ZNF398: variants seen among roughly 807,000 people sequenced by gnomAD.
The protein encoded by ZNF398 is zinc finger DNA binding protein ZER6.
In ZNF398, 18 loss-of-function variants were observed where a neutral mutation model predicts 41.9. That is an observed-to-expected ratio of 0.43 (90% confidence interval 0.30 to 0.64). The LOEUF is 0.64. ZNF398 is among the 30% of genes least tolerant of loss of function. The pLI, the probability that ZNF398 is intolerant of heterozygous loss-of-function variation, is 0.14. For synonymous variants in ZNF398, 260 were observed against 308.8 expected, an observed-to-expected ratio of 0.84 and a Z score of 1.66; for missense variants, 669 against 822.8, an observed-to-expected ratio of 0.81 and a Z score of 2.29.
chr7:149,171,726 G>A (rs746097071), intron 4 of ZNF398, among the ~76,000 whole-genome samples: 24 of 152,008 alleles, frequency 1.6e-4, no homozygotes, highest in Admixed American at 3.3e-4. Context: ...AGGCTGGAGT[G>A]CAGTGGTGTG....
chr7:149,176,944 T>C lies in ZNF398; in HGVS notation c.775+363T>C, dbSNP rs114469676. ...CAAGCCCTGGAGACAGAAATGGCCA[T>C]GGAGAGGTGTAAATGGGAATGTTAA... On this transcript the variant is annotated intron_variant, in intron 5 of 5. Coordinates refer to ENST00000475153, the MANE Select transcript of ZNF398 (RefSeq NM_170686.3). Among the ~76,000 whole-genome samples the C allele has an allele frequency of 6.7e-3, 1,010 of 151,382 alleles. 7 individuals carry two copies. Among genetic ancestry groups the C allele is most frequent in the African/African-American group, 9.4e-3 (387 of 41,250 alleles).
chr7:149,154,108 G>A lies in ZNF398; in HGVS notation c.188G>A (p.Arg63Gln). The change falls in exon 2 of 6, where the codon CGA becomes CAA. Residue 63 changes from arginine (R) to glutamine (Q), a missense_variant. Physicochemically the swap from Arg to Gln is conservative, Grantham distance 43 (BLOSUM62 1). Transcript: ENST00000475153. Reference protein sequence around the residue: ...IERKVEIHSRRLLHLEGRTGT... With the variant: ...IERKVEIHSRQLLHLEGRTGT... Reference sequence around the variant, plus strand: ...AGGAAGGTGGAGATCCACAGCCGGCGACTCCTACACCTGGAAGGTCGGACA... The same window carrying A: ...AGGAAGGTGGAGATCCACAGCCGGCAACTCCTACACCTGGAAGGTCGGACA... 5 of 1,614,016 alleles carry A rather than the reference G, an allele frequency of 3.1e-6. No homozygotes were observed. The highest frequency in any genetic ancestry group is 2.2e-5 in the East Asian group (1 of 44,886).
chr7:149,159,369 TG>T (rs1433608773), intron 2 of ZNF398, among the ~76,000 whole-genome samples: 2 of 150,900 alleles, frequency 1.3e-5, no homozygotes, highest in African/African-American at 4.9e-5. Context: ...CTTTTTCGGC[TG>T]GGCGCGGTGG....
chr7:149,147,677 C>G lies in ZNF398; in HGVS notation c.-66C>G. 1 of 1,270,012 alleles carries G rather than the reference C, an allele frequency of 7.9e-7. No homozygotes were observed. Among genetic ancestry groups the G allele is most frequent in the Non-Finnish European group, 9.9e-7 (1 of 1,010,472 alleles). 78.7% of individuals were successfully genotyped at this position (1,270,012 alleles called of 1,614,324 possible). ...ACCCGGCGGCCGGGCCTGCTTGGAG[C>G]CGGGCGCGGTGGCAGCGGCGGCAGC... is the stretch of plus-strand genomic sequence containing the variant. On this transcript the variant is annotated 5_prime_UTR_variant, in exon 1 of 6. Transcript: ENST00000475153. This position sits in a 1 kb window ranked among gnomAD's most constrained non-coding sequence, Gnocchi z 5.6.
intron 2 of ZNF398, among the ~76,000 whole-genome samples, chr7:149,132,194 CTTT>C (rs35611997): frequency 8.8e-5 from 10 of 113,352 alleles, no homozygotes; most frequent in Admixed American, 3.0e-4. Flanking sequence ...TTCTCTCTCT[CTTT>C]TTTTTTTTTT....
At chr7:149,162,339 G>A (rs892116591) in intron 2 of ZNF398, among the ~76,000 whole-genome samples, 1 of 152,032 alleles carries the variant, frequency 6.6e-6, no homozygotes, top group East Asian at 1.9e-4. Context: ...CTGCCACCAC[G>A]CCTGGCTAAT....
intron 2 of ZNF398, among the ~76,000 whole-genome samples, chr7:149,155,020 C>G (rs184023681): frequency 5.8e-4 from 86 of 147,780 alleles, no homozygotes; most frequent in African/African-American, 2.0e-3. Flanking sequence ...GGCGAGATGA[C>G]TCACACCTGT....
chr7:149,129,358 A>G (rs1243528362), intron 2 of ZNF398, among the ~76,000 whole-genome samples: 2 of 152,006 alleles, frequency 1.3e-5, no homozygotes, highest in East Asian at 1.9e-4. Context: ...ATTGTGTGTG[A>G]AAACAGTTTA....
chr7:149,171,695 T>C (rs1333917392), intron 4 of ZNF398, among the ~76,000 whole-genome samples: 1 of 151,904 alleles, frequency 6.6e-6, no homozygotes, highest in Admixed American at 6.6e-5. Context: ...TATTTTGAGA[T>C]GGAATCTTGC....
chr7:149,147,710 A>C lies in ZNF398; in HGVS notation c.-33A>C, dbSNP rs1826986801. 8 of 1,289,208 alleles carry C rather than the reference A, an allele frequency of 6.2e-6. 1 individual carries two copies. The highest frequency in any genetic ancestry group is 2.3e-4 in the Middle Eastern group (1 of 4,418). 79.9% of individuals were successfully genotyped at this position (1,289,208 alleles called of 1,614,324 possible). ...GGTGGCAGCGGCGGCAGCGGCGGCG[A>C]CTTCCGAGGCCCGGGCTAGACAGCG... On this transcript the variant is annotated 5_prime_UTR_variant, in exon 1 of 6. Coordinates refer to ENST00000475153, the MANE Select transcript of ZNF398 (RefSeq NM_170686.3). This position sits in a 1 kb window ranked among gnomAD's most constrained non-coding sequence, Gnocchi z 5.6.
At chr7:149,167,626 T>C (rs1362069795) in intron 4 of ZNF398, among the ~76,000 whole-genome samples, 2 of 150,822 alleles carry the variant, frequency 1.3e-5, no homozygotes, top group African/African-American at 4.8e-5. Context: ...TTTTTTTCTT[T>C]TTCTTTTCTT....
chr7:149,137,413 G>C (rs1215296426), intron 2 of ZNF398, among the ~76,000 whole-genome samples: 1 of 151,930 alleles, frequency 6.6e-6, no homozygotes, highest in African/African-American at 2.4e-5. Flanking sequence ...ACAGAGTCTT[G>C]CTCTTTCCTG....
intron 2 of ZNF398, among the ~76,000 whole-genome samples, chr7:149,133,288 AT>A (rs1826635347): frequency 6.6e-6 from 1 of 151,552 alleles, no homozygotes; most frequent in South Asian, 2.1e-4. Flanking sequence ...TAACTTTTGT[AT>A]TTTTAGTAGA....
chr7:149,155,980 C>T (rs1794968876), intron 2 of ZNF398, among the ~76,000 whole-genome samples: 1 of 151,806 alleles, frequency 6.6e-6, no homozygotes, highest in Non-Finnish European at 1.5e-5. Flanking sequence ...CTCGCCTTGG[C>T]CTCCCAAAGT....
upstream of ZNF398, among the ~76,000 whole-genome samples, chr7:149,145,573 G>A (rs1247335715): frequency 1.3e-5 from 2 of 152,106 alleles, no homozygotes; most frequent in Non-Finnish European, 2.9e-5. Flanking sequence ...TTCAGACCAC[G>A]AGTTCCGGTG....
intron 2 of ZNF398, among the ~76,000 whole-genome samples, chr7:149,133,893 A>T (rs1346663779): frequency 6.7e-6 from 1 of 149,654 alleles, no homozygotes; most frequent in Non-Finnish European, 1.5e-5. Context: ...CTGGGATTAC[A>T]GGCATGCGCC....
At chr7:149,138,697 GAT>G (rs1826764120) in intron 2 of ZNF398, among the ~76,000 whole-genome samples, 1 of 151,890 alleles carries the variant, frequency 6.6e-6, no homozygotes, top group African/African-American at 2.4e-5. Context: ...AGCTCACAAA[GAT>G]AAGAACCAAA....
chr7:149,144,983 G>A (rs1826903400), upstream of ZNF398, among the ~76,000 whole-genome samples: 1 of 151,952 alleles, frequency 6.6e-6, no homozygotes, highest in South Asian at 2.1e-4. Flanking sequence ...TACTCATATT[G>A]TGAGTCAGAG....
At chr7:149,128,029 G>A (rs1006799231) in intron 1 of ZNF398, among the ~76,000 whole-genome samples, 6 of 152,160 alleles carry the variant, frequency 3.9e-5, no homozygotes, top group South Asian at 4.1e-4. Context: ...CCTCAAAAGC[G>A]TAATGCTTTT....
Sources: gnomAD v4.1 joint callset for allele counts (sites outside exome capture counted in the v4.1 genomes callset) on GRCh38, gnomAD v4.1.1 for gene constraint, Gnocchi (gnomAD v3.1) non-coding constraint, MANE v1.5 for transcripts, NCBI Gene and HGNC (gene_info 2026-07-23, HGNC 2026-07-21) for gene names.